Variants in CACNA2D4 observed in about 807,000 individuals in gnomAD.
CACNA2D4 encodes calcium voltage-gated channel auxiliary subunit alpha2delta 4.
Under a neutral mutation model 163.8 loss-of-function variants are expected in CACNA2D4, and 157 were observed. The observed-to-expected ratio is 0.96, with a 90% CI of 0.84 to 1.09. The LOEUF is 1.09. CACNA2D4 is among the 50% of genes least tolerant of loss of function. The pLI, the probability that CACNA2D4 is intolerant of heterozygous loss-of-function variation, is 0.00. For missense variants in CACNA2D4, 1,410 were observed against 1,479.9 expected, an observed-to-expected ratio of 0.95 and a Z score of 0.78; for synonymous variants, 598 against 586.9, an observed-to-expected ratio of 1.02 and a Z score of -0.27.
chr12:1,912,984 C>T, intron 3 of CACNA2D4, 39 bp downstream of exon 3: 1 of 1,348,316 alleles, frequency 7.4e-7, no homozygotes, highest in Non-Finnish European at 1.1e-6. Flanking sequence ...CGTCATGGGG[C>T]TGGGGAGAAA....
At chr12:1,822,945 G>C (rs1052457287) in intron 26 of CACNA2D4, among the ~76,000 whole-genome samples, 1 of 152,206 alleles carries the variant, frequency 6.6e-6, no homozygotes, top group African/African-American at 2.4e-5. Flanking sequence ...TTGGTGGAAG[G>C]GCACGGCCCC....
At chr12:1,830,740 T>A (rs941236384) in intron 26 of CACNA2D4, among the ~76,000 whole-genome samples, 2 of 152,248 alleles carry the variant, frequency 1.3e-5, no homozygotes, top group Non-Finnish European at 2.9e-5. Flanking sequence ...CTGTGTGATG[T>A]CCATTAATAT....
At chr12:1,860,254 C>A in intron 18 of CACNA2D4, 48 bp from the exon 19 acceptor site, 1 of 1,491,496 alleles carries the variant, frequency 6.7e-7, no homozygotes, top group Non-Finnish European at 9.3e-7. Context: ...AAGAGCGGCC[C>A]CCAGCCCCCA....
In CACNA2D4 at chr12:1,799,823, C is replaced by T; in HGVS notation, c.2975-128G>A. The T allele has an allele frequency of 7.5e-7, 1 of 1,338,256 alleles. No individual in the cohort carries two copies. Among genetic ancestry groups the T allele is most frequent in the Non-Finnish European group, 1.0e-6 (1 of 956,418 alleles). 82.9% of individuals were successfully genotyped at this position (1,338,256 alleles called of 1,614,324 possible). On this transcript the variant is annotated intron_variant, in intron 33 of 37. Transcript: ENST00000382722. This position sits in a 1 kb window ranked among gnomAD's most constrained non-coding sequence, Gnocchi z 4.7. ...GGCGGTGTCCCAAGATGATGTCACA[C>T]ACAGAGCCAGGAGTGAGGGATGTGA...
intron 26 of CACNA2D4, chr12:1,822,222 A>G (rs897732573): frequency 6.6e-5 from 10 of 151,878 alleles, no homozygotes; most frequent in African/African-American, 2.4e-4. Flanking sequence ...CGAGGAGCAA[A>G]CTCTGCTCCC....
At chr12:1,885,160 G>T in intron 9 of CACNA2D4, 84 bp from the exon 10 acceptor site, 2 of 1,084,034 alleles carry the variant, frequency 1.8e-6, no homozygotes, top group Non-Finnish European at 1.4e-6. Context: ...TTGGGAGGCT[G>T]TTTAGGGCCA....
At chr12:1,914,051 C>T (rs535934615) in intron 2 of CACNA2D4, among the ~76,000 whole-genome samples, 1 of 152,208 alleles carries the variant, frequency 6.6e-6, no homozygotes, top group East Asian at 1.9e-4. Context: ...CCCGGGGAGC[C>T]GCCCACCCTG....
At chr12:1,864,016 C>T (rs1027548202) in intron 18 of CACNA2D4, among the ~76,000 whole-genome samples, 4 of 152,264 alleles carry the variant, frequency 2.6e-5, no homozygotes, top group African/African-American at 7.2e-5. Flanking sequence ...AACGTGGCCG[C>T]CAGCCGTGAG....
Position 1,833,672 on chromosome 12 carries a change from C to G in CACNA2D4, c.2551+7067G>C, listed in dbSNP as rs1461055803. Among the ~76,000 whole-genome samples, 1 of 152,158 alleles carries G rather than the reference C, an allele frequency of 6.6e-6. No individual in the cohort carries two copies. The highest frequency in any genetic ancestry group is 1.5e-5 in the Non-Finnish European group (1 of 68,030). On this transcript the variant is annotated intron_variant, in intron 26 of 37. Coordinates refer to ENST00000382722, the MANE Select transcript of CACNA2D4 (RefSeq NM_172364.5). The surrounding 1 kb of genome is among the most constrained non-coding windows in gnomAD (Gnocchi z 4.2). ...AACATTCCTGCCCAACTCTTTTCCT[C>G]TTTACGCCAGGAAGGGAGCTGCCCA...
chr12:1,822,565 T>G (rs1016657688), intron 26 of CACNA2D4, among the ~76,000 whole-genome samples: 2 of 152,196 alleles, frequency 1.3e-5, no homozygotes, highest in Non-Finnish European at 2.9e-5. Context: ...CTCAGGAGGC[T>G]TCTCTGTTCT....
chr12:1,885,193 G>A, intron 9 of CACNA2D4, 117 bp from the exon 10 acceptor site: 1 of 819,682 alleles, frequency 1.2e-6, no homozygotes, highest in Non-Finnish European at 2.1e-6. Flanking sequence ...TGATTTCAGG[G>A]CCTGTGTCTC....
At chr12:1,817,970 C>CT (rs1863937179) in intron 26 of CACNA2D4, among the ~76,000 whole-genome samples, 1 of 151,060 alleles carries the variant, frequency 6.6e-6, no homozygotes, top group South Asian at 2.1e-4. Context: ...AGGAGCCTCT[C>CT]TGTCTGGCTG....
chr12:1,855,537 G>A (rs1369458122), intron 22 of CACNA2D4, among the ~76,000 whole-genome samples: 1 of 152,220 alleles, frequency 6.6e-6, no homozygotes, highest in African/African-American at 2.4e-5. Context: ...CCTGGAAGAG[G>A]TGAGCAAGGT....
intron 6 of CACNA2D4, among the ~76,000 whole-genome samples, chr12:1,890,765 C>T (rs564036505): frequency 4.5e-4 from 69 of 152,320 alleles, no homozygotes; most frequent in Non-Finnish European, 8.2e-4. Context: ...CTCTGTTCCC[C>T]CCATCCAGTG....
chr12:1,828,015 A>G lies in CACNA2D4; in HGVS notation c.2551+12724T>C. The G allele has an allele frequency of 1.2e-5, 8 of 689,048 alleles. No individual in the cohort carries two copies. The South Asian group carries it at 2.0e-4, about 17-fold the overall frequency. The allele number at this position is 689,048 out of a possible 1,614,324, so 42.7% of individuals were successfully genotyped here. A position where few individuals can be genotyped will look rare whatever the true frequency, so the allele number is the denominator to read the frequency against. On this transcript the variant is annotated intron_variant, in intron 26 of 37. Transcript: ENST00000382722. This position sits in a 1 kb window ranked among gnomAD's most constrained non-coding sequence, Gnocchi z 4.2. ...AAGAGACACCCGGGCCCTCTCCCTAACCCCTGGGCTGGAACGGGGCTCCCG... is the reference window on the plus strand; with the variant it reads ...AAGAGACACCCGGGCCCTCTCCCTAGCCCCTGGGCTGGAACGGGGCTCCCG...
At chr12:1,825,152 A>G (rs897583713) in intron 26 of CACNA2D4, among the ~76,000 whole-genome samples, 2 of 151,876 alleles carry the variant, frequency 1.3e-5, no homozygotes, top group Admixed American at 1.3e-4. Context: ...TGAAGATGGG[A>G]CCTCCAGACC....
chr12:1,886,486 T>C (rs1866149536), intron 7 of CACNA2D4, 113 bp from the exon 8 acceptor site: 1 of 961,082 alleles, frequency 1.0e-6, no homozygotes, highest in African/African-American at 1.6e-5. Context: ...CCACCCAAAG[T>C]TCAGGGCAAC....
At chr12:1,912,260 G>T (rs917731147) in intron 3 of CACNA2D4, among the ~76,000 whole-genome samples, 1 of 152,228 alleles carries the variant, frequency 6.6e-6, no homozygotes, top group Non-Finnish European at 1.5e-5. Context: ...GGAGAGCACT[G>T]GTCTTGGATG....
chr12:1,889,822 A>G (rs1049337339), intron 6 of CACNA2D4, among the ~76,000 whole-genome samples: 16 of 152,226 alleles, frequency 1.1e-4, no homozygotes, highest in Admixed American at 3.9e-4. Flanking sequence ...CAGGACAAGT[A>G]AAAATTTAAA....
Sources: gnomAD v4.1 joint callset for allele counts (sites outside exome capture counted in the v4.1 genomes callset) on GRCh38, gnomAD v4.1.1 for gene constraint, Gnocchi (gnomAD v3.1) non-coding constraint, MANE v1.5 for transcripts, NCBI Gene and HGNC (gene_info 2026-07-23, HGNC 2026-07-21) for gene names.